ANK3: variants seen among roughly 807,000 people sequenced by gnomAD.
ANK3 encodes the protein ankyrin-3.
In ANK3, 57 loss-of-function variants were observed where a neutral mutation model predicts 370.9. That is an observed-to-expected ratio of 0.15 (90% CI 0.12 to 0.19). The LOEUF (loss-of-function observed/expected upper bound fraction) is 0.19, where lower values mean the gene tolerates loss of function less well. ANK3 is among the 10% of genes least tolerant of loss of function. The probability of loss-of-function intolerance (pLI) is 1.00; values close to 1 mark genes in which losing one functional copy is unlikely to be tolerated. For synonymous variants in ANK3, 1,929 were observed against 1,946.3 expected, an observed-to-expected ratio of 0.99 and a Z score of 0.23; for missense variants, 4,439 against 5,302.1, an observed-to-expected ratio of 0.84 and a Z score of 5.06.
intron 2 of ANK3, among the ~76,000 whole-genome samples, chr10:60,526,580 G>A (rs763886316): frequency 7.2e-5 from 11 of 152,030 alleles, no homozygotes; most frequent in Non-Finnish European, 1.3e-4. Context: ...AACAAAAAAG[G>A]CATTGTGGTA....
chr10:60,198,535 A>T lies in ANK3; in HGVS notation c.1494T>A (p.Asp498Glu). ...CTGAAATGTGGAGTGGTGTTTGGTC[A>T]TCCTAAACAGCAAGGTAGAAATGTA... ...DGAQVEAKAK[D>E]DQTPLHISAR... Residue 498 changes from aspartate (D) to glutamate (E), a missense_variant and splice_region_variant, in exon 14 of 44, where the codon GAT becomes GAA. Asp to Glu is a conservative substitution (Grantham distance 45). This residue lies in a region of ANK3 where 227 missense variants were observed against 377.6 expected (regional missense o/e 0.60). Coordinates refer to ENST00000280772, the MANE Select transcript of ANK3 (RefSeq NM_020987.5). 1 of 1,613,976 alleles carries T rather than the reference A, an allele frequency of 6.2e-7. No homozygotes were observed. Among genetic ancestry groups the T allele is most frequent in the Non-Finnish European group, 8.5e-7 (1 of 1,179,832 alleles).
intron 1 of ANK3, among the ~76,000 whole-genome samples, chr10:60,711,957 T>G (rs2079715111): frequency 6.6e-6 from 1 of 152,222 alleles, no homozygotes; most frequent in African/African-American, 2.4e-5. Flanking sequence ...ACCCTCAACC[T>G]ATAGTTTCAC....
chr10:60,513,076 G>T (rs889906440), intron 2 of ANK3, among the ~76,000 whole-genome samples: 3 of 152,062 alleles, frequency 2.0e-5, no homozygotes, highest in Admixed American at 2.0e-4. Context: ...TGTTTCAAGA[G>T]GTTCATACCT....
chr10:60,374,011 T>C (rs1415999049), intron 1 of ANK3, among the ~76,000 whole-genome samples: 2 of 152,038 alleles, frequency 1.3e-5, no homozygotes, highest in African/African-American at 4.8e-5. Context: ...ATTTCTTCAT[T>C]CTACAGGACA....
intron 25 of ANK3, among the ~76,000 whole-genome samples, chr10:60,119,487 G>A (rs1273152152): frequency 1.3e-5 from 2 of 152,192 alleles, no homozygotes; most frequent in African/African-American, 4.8e-5. Context: ...AACAGGGCCA[G>A]GTGCGGTGGT....
intron 2 of ANK3, among the ~76,000 whole-genome samples, chr10:60,564,904 A>C (rs2077422086): frequency 6.6e-6 from 1 of 152,200 alleles, no homozygotes; most frequent in African/African-American, 2.4e-5. Context: ...TCTAAAAAAT[A>C]AGCAAACTCA....
Position 60,389,574 on chromosome 10 carries a change from C to G in ANK3, c.-36G>C, listed in dbSNP as rs774883672. On this transcript the variant is annotated 5_prime_UTR_variant, in exon 1 of 44. Transcript: ENST00000280772. ...AAAAGATCCTCTCAAGCACACACGGCTTCCTTGTAAAAGGTGATATCCTCA... is the reference window on the plus strand; with the variant it reads ...AAAAGATCCTCTCAAGCACACACGGGTTCCTTGTAAAAGGTGATATCCTCA... The G allele has an allele frequency of 6.2e-7, 1 of 1,609,122 alleles. No individual in the cohort carries two copies. The highest frequency in any genetic ancestry group is 1.1e-5 in the South Asian group (1 of 90,018).
chr10:60,201,065 T>A (rs2096665874), intron 12 of ANK3, among the ~76,000 whole-genome samples: 1 of 152,264 alleles, frequency 6.6e-6, no homozygotes, highest in Non-Finnish European at 1.5e-5. Context: ...ACTTTTAAAC[T>A]GCCTTTATAA....
At chr10:60,279,425 A>G (rs2098132159) in intron 2 of ANK3, 113 bp downstream of exon 2, 8 of 831,970 alleles carry the variant, frequency 9.6e-6, no homozygotes, top group Non-Finnish European at 1.6e-5. Context: ...GACAATGACA[A>G]GCTGATAAAA....
At chr10:60,032,121 C>G (rs530345093) in intron 43 of ANK3, among the ~76,000 whole-genome samples, 1 of 150,714 alleles carries the variant, frequency 6.6e-6, no homozygotes, top group Non-Finnish European at 1.5e-5. Flanking sequence ...TTCTCTAAAC[C>G]CCTCCCCCTG....
intron 1 of ANK3, among the ~76,000 whole-genome samples, chr10:60,298,027 T>A (rs2042912668): frequency 6.6e-6 from 1 of 152,082 alleles, no homozygotes; most frequent in African/African-American, 2.4e-5. Context: ...ATAGGAAACA[T>A]CCAAATTCAA....
At chr10:60,525,326 G>A (rs1432160385) in intron 2 of ANK3, among the ~76,000 whole-genome samples, 2 of 152,158 alleles carry the variant, frequency 1.3e-5, no homozygotes, top group South Asian at 4.2e-4. Context: ...CTGTCCTTCA[G>A]CATCTCAGAA....
chr10:60,242,374 T>C (rs1030999060), intron 7 of ANK3, among the ~76,000 whole-genome samples: 2 of 152,228 alleles, frequency 1.3e-5, no homozygotes, highest in African/African-American at 4.8e-5. Context: ...TACTTTAGAA[T>C]AACTCTTAAA....
intron 2 of ANK3, among the ~76,000 whole-genome samples, chr10:60,573,813 G>A (rs1420105607): frequency 6.6e-6 from 1 of 152,216 alleles, no homozygotes; most frequent in Admixed American, 6.5e-5. Context: ...TACAAAGTGA[G>A]AGTGGGGTAA....
chr10:60,064,751 A>G (rs1329493269), intron 38 of ANK3, among the ~76,000 whole-genome samples: 1 of 152,186 alleles, frequency 6.6e-6, no homozygotes, highest in Non-Finnish European at 1.5e-5. Context: ...CTGTGGTCCC[A>G]GCTACTCAGG....
intron 1 of ANK3, among the ~76,000 whole-genome samples, chr10:60,673,573 A>G (rs1384652286): frequency 6.6e-6 from 1 of 152,058 alleles, no homozygotes; most frequent in Non-Finnish European, 1.5e-5. Flanking sequence ...GCTGGTCTCG[A>G]ACTCCTGACC....
At chr10:60,655,695 A>T (rs1362720743) in intron 1 of ANK3, among the ~76,000 whole-genome samples, 1 of 152,102 alleles carries the variant, frequency 6.6e-6, no homozygotes, top group African/African-American at 2.4e-5. Context: ...GTGTTCATAA[A>T]ATCTAGAGTA....
intron 2 of ANK3, among the ~76,000 whole-genome samples, chr10:60,481,743 C>G (rs1250354524): frequency 6.6e-6 from 1 of 152,160 alleles, no homozygotes; most frequent in South Asian, 2.1e-4. Context: ...GGATTACAGG[C>G]GTGAGCCACT....
In ANK3 at chr10:60,205,278, G is replaced by A. The variant is rs78479523; in HGVS notation, c.1293+514C>T. Among the ~76,000 whole-genome samples the A allele has an allele frequency of 4.0e-3, 604 of 152,266 alleles. 3 individuals carry two copies. The highest frequency in any genetic ancestry group is 0.021 in the South Asian group (101 of 4,826). On this transcript the variant is annotated intron_variant, in intron 11 of 43. Coordinates refer to ENST00000280772, the MANE Select transcript of ANK3 (RefSeq NM_020987.5). The stretch of plus-strand genomic sequence containing the variant: ...CTTACTTGAGAAAAGCACCAAGGTC[G>A]TCTTGTGCAGGGTTTCTCAACCTCA...
Sources: gnomAD v4.1 joint callset for allele counts (sites outside exome capture counted in the v4.1 genomes callset) on GRCh38, gnomAD v4.1.1 for gene constraint, gnomAD v4.1.1 regional missense constraint, MANE v1.5 for transcripts, NCBI Gene and HGNC (gene_info 2026-07-23, HGNC 2026-07-21) for gene names.